Variants in ADA2 observed in about 807,000 individuals in gnomAD.
ADA2 encodes adenosine deaminase CECR1.
Under a neutral mutation model 44.2 loss-of-function variants are expected in ADA2, and 29 were observed. The ratio of observed to expected loss-of-function variants is 0.66; its 90% CI spans 0.49 to 0.89. The LOEUF is 0.89. ADA2 is among the 40% of genes least tolerant of loss of function. ADA2 has a pLI of 0.00. For synonymous variants in ADA2, 215 were observed against 234.9 expected (o/e 0.92, Z 0.77); for missense variants, 637 against 644.8 (o/e 0.99, Z 0.13).
intron 1 of ADA2, among the ~76,000 whole-genome samples, chr22:17,218,909 C>A (rs1385059069): frequency 2.0e-5 from 3 of 152,196 alleles, no homozygotes; most frequent in South Asian, 2.1e-4. Context: ...GTGATCCCAG[C>A]CCTTTGGAAG....
chr22:17,196,469 G>T (rs2062192513), intron 4 of ADA2, among the ~76,000 whole-genome samples: 1 of 152,090 alleles, frequency 6.6e-6, no homozygotes, highest in African/African-American at 2.4e-5. Context: ...GAAAGTTGGA[G>T]AACCACTGTG....
At chr22:17,213,787 C>G in intron 1 of ADA2, 1 of 251,514 alleles carries the variant, frequency 4.0e-6, no homozygotes, top group Non-Finnish European at 7.8e-6. Context: ...CCTGTAATCC[C>G]AGCACTTCAG....
chr22:17,194,468 A>G (rs941765114), intron 4 of ADA2, among the ~76,000 whole-genome samples: 4 of 152,112 alleles, frequency 2.6e-5, no homozygotes, highest in African/African-American at 7.2e-5. Flanking sequence ...CCTGCAGAAC[A>G]GTACTGCTGC....
chr22:17,192,972 C>A (rs1601438118), intron 4 of ADA2: 3 of 618,900 alleles, frequency 4.8e-6, no homozygotes, highest in Non-Finnish European at 8.9e-6. Flanking sequence ...CATCTGGCAC[C>A]GGTCTGACCA....
upstream of ADA2, among the ~76,000 whole-genome samples, chr22:17,221,156 A>G (rs737969): frequency 0.61 from 92,901 of 151,084 alleles, 28,852 homozygotes; most frequent in East Asian, 0.77. Flanking sequence ...AAAAAAAAAA[A>G]GAGTTTAACA....
rs926359896 is a variant in ADA2 at position 17,199,891 on chromosome 22, G to A, written c.753+3672C>T. On this transcript the variant is annotated intron_variant, in intron 4 of 9. Coordinates refer to ENST00000399837, the MANE Select transcript of ADA2 (RefSeq NM_001282225.2). ...GCTCAGGAGTTCCAGACCAGCCTGG[G>A]CAATATGGTAAAACCCCATCTCGCC... 3.5e-5 allele frequency: 19 copies of A among 547,542 alleles called. No homozygotes were observed. The African/African-American group carries it at 3.6e-4, about 11-fold the overall frequency. The allele number at this position is 547,542 out of a possible 1,614,324, so 33.9% of individuals were successfully genotyped here. A position where few individuals can be genotyped will look rare whatever the true frequency, so the allele number is the denominator to read the frequency against.
intron 5 of ADA2, among the ~76,000 whole-genome samples, chr22:17,191,317 G>A (rs766142402): frequency 6.6e-6 from 1 of 152,202 alleles, no homozygotes; most frequent in Non-Finnish European, 1.5e-5. Flanking sequence ...ACAGAACCCA[G>A]AGGCAAATTG....
At chr22:17,196,547 A>T (rs1175731610) in intron 4 of ADA2, among the ~76,000 whole-genome samples, 1 of 151,998 alleles carries the variant, frequency 6.6e-6, no homozygotes, top group Admixed American at 6.6e-5. Flanking sequence ...AGCAGGGAAG[A>T]ATAGGGTTCT....
intron 8 of ADA2, 140 bp from the exon 9 acceptor site, chr22:17,182,162 A>C: frequency 4.5e-6 from 3 of 668,986 alleles, no homozygotes; most frequent in Non-Finnish European, 7.6e-6. Flanking sequence ...ACTTCTGGGC[A>C]GAGTCACAAG....
chr22:17,213,505 G>A (rs1218894633), intron 1 of ADA2: 1 of 247,868 alleles, frequency 4.0e-6, no homozygotes, highest in Non-Finnish European at 8.2e-6. Flanking sequence ...GCACCGGGGA[G>A]TGTCGTGGAT....
chr22:17,184,655 C>T (rs987850460), intron 7 of ADA2, among the ~76,000 whole-genome samples: 6 of 151,660 alleles, frequency 4.0e-5, no homozygotes, highest in African/African-American at 9.7e-5. Context: ...TGGCTGGGTG[C>T]GGTGGCTCAC....
chr22:17,197,575 C>T (rs1457639191), intron 4 of ADA2, among the ~76,000 whole-genome samples: 2 of 152,192 alleles, frequency 1.3e-5, no homozygotes, highest in Non-Finnish European at 2.9e-5. Flanking sequence ...CTGGCCAGTA[C>T]TGGCAGTTTC....
rs747774101 is a variant in ADA2, at chr22:17,181,895, T to C, written c.1367A>G (p.Tyr456Cys). The change falls in exon 9 of 10, where the codon TAT becomes TGT. Residue 456 changes from tyrosine to cysteine, a missense_variant. Physicochemically the swap from Tyr to Cys is radical, Grantham distance 194 (BLOSUM62 -2). Coordinates refer to ENST00000399837, the MANE Select transcript of ADA2 (RefSeq NM_001282225.2). ...CCCCCCAATGCCCATGAAGACCTCATAGAAATCATAGGACAAGCCTTTGGC... is the reference window on the plus strand; with the variant it reads ...CCCCCCAATGCCCATGAAGACCTCACAGAAATCATAGGACAAGCCTTTGGC... ...FGAKGLSYDF[Y>C]EVFMGIGGMK... The C allele has an allele frequency of 1.2e-6, 2 of 1,614,052 alleles. No individual in the cohort carries two copies. The highest frequency in any genetic ancestry group is 2.2e-5 in the South Asian group (2 of 91,074).
intron 4 of ADA2, among the ~76,000 whole-genome samples, chr22:17,194,583 C>T (rs1000939661): frequency 6.6e-6 from 1 of 152,084 alleles, no homozygotes; most frequent in African/African-American, 2.4e-5. Flanking sequence ...TCTGCTGCCC[C>T]CATGAAGCCT....
chr22:17,193,186 C>A, intron 4 of ADA2: 1 of 1,363,198 alleles, frequency 7.3e-7, no homozygotes, highest in Non-Finnish European at 1.0e-6. Flanking sequence ...GCAACAATCT[C>A]CCTGTGCTGA....
chr22:17,208,445 G>A (rs200724510), intron 2 of ADA2, among the ~76,000 whole-genome samples: 23 of 136,604 alleles, frequency 1.7e-4, no homozygotes, highest in South Asian at 2.4e-4. Flanking sequence ...GAAAAAAAAA[G>A]AAAAAAAAAA....
rs1416783635 is a variant in ADA2 at position 17,181,992 on chromosome 22, G to A, written c.1270C>T (p.His424Tyr). Reference protein sequence around the residue: ...VLKLVSDLRNHPVATLMATGH... With the variant: ...VLKLVSDLRNYPVATLMATGH... ...GTGGCCATCAGAGTGGCTACAGGGT[G>A]GTTCCTCAAGTCAGACACCAGTTTC... The change falls in exon 9 of 10, where the codon CAC becomes TAC. Residue 424 changes from histidine to tyrosine, a missense_variant. Physicochemically the swap from His to Tyr is moderately conservative, Grantham distance 83 (BLOSUM62 2). Transcript: ENST00000399837. 2 of 1,613,880 alleles carry A rather than the reference G, an allele frequency of 1.2e-6. No individual in the cohort carries two copies. Among genetic ancestry groups the A allele is most frequent in the Non-Finnish European group, 1.7e-6 (2 of 1,179,970 alleles).
At chr22:17,190,361 C>T (rs2062099717) in intron 5 of ADA2, among the ~76,000 whole-genome samples, 1 of 152,140 alleles carries the variant, frequency 6.6e-6, no homozygotes, top group South Asian at 2.1e-4. Context: ...TCCCAGCTCT[C>T]CCTGCATCTC....
chr22:17,191,849 G>A, intron 4 of ADA2, 39 bp from the exon 5 acceptor site: 1 of 1,586,286 alleles, frequency 6.3e-7, no homozygotes, highest in South Asian at 1.1e-5. Context: ...CAGGTGAGCA[G>A]TGAGAGACGC....
Sources: gnomAD v4.1 joint callset for allele counts (sites outside exome capture counted in the v4.1 genomes callset) on GRCh38, gnomAD v4.1.1 for gene constraint, MANE v1.5 for transcripts, NCBI Gene and HGNC (gene_info 2026-07-23, HGNC 2026-07-21) for gene names.